GPC3: variants seen among roughly 807,000 people sequenced by gnomAD.
The protein encoded by GPC3 is glypican 3.
A neutral mutation model predicts 34.4 loss-of-function variants in GPC3; 3 were observed. That is an observed-to-expected ratio of 0.09 (90% CI 0.04 to 0.23). The LOEUF (loss-of-function observed/expected upper bound fraction) is 0.23. GPC3 is among the 10% of genes least tolerant of loss of function. GPC3 has a pLI of 1.00. For missense variants in GPC3, 351 were observed against 445.6 expected, an observed-to-expected ratio of 0.79 and a Z score of 1.91; for synonymous variants, 177 against 174.0, an observed-to-expected ratio of 1.02 and a Z score of -0.13.
intron 1 of GPC3, among the ~76,000 whole-genome samples, chrX:133,965,639 T>C (rs2076460122): frequency 8.9e-6 from 1 of 111,966 alleles, no homozygotes; most frequent in East Asian, 2.8e-4. Flanking sequence ...TAAATTTCAG[T>C]TGTTTTAAGC....
At chrX:133,648,499 C>G (rs948066884) in intron 6 of GPC3, among the ~76,000 whole-genome samples, 1 of 111,598 alleles carries the variant, frequency 9.0e-6, no homozygotes, top group Non-Finnish European at 1.9e-5. Context: ...CTCCTTGCCT[C>G]CAATTTCTGA....
intron 2 of GPC3, among the ~76,000 whole-genome samples, chrX:133,927,588 C>T (rs769052734): frequency 9.1e-6 from 1 of 109,472 alleles, no homozygotes; most frequent in Non-Finnish European, 1.9e-5. Flanking sequence ...GGTAATCCTC[C>T]TGCTTCAGCC....
At chrX:133,769,391 T>C (rs914994896) in intron 2 of GPC3, among the ~76,000 whole-genome samples, 8 of 112,240 alleles carry the variant, frequency 7.1e-5, no homozygotes, top group Non-Finnish European at 1.3e-4. Flanking sequence ...CAAGTGTTCT[T>C]ATCACAAAGA....
intron 2 of GPC3, among the ~76,000 whole-genome samples, chrX:133,789,527 A>C (rs993541356): frequency 3.6e-5 from 4 of 111,467 alleles, no homozygotes; most frequent in Non-Finnish European, 7.5e-5. Context: ...GCTTAAGTTT[A>C]ATTGTCATGG....
At position 133,746,349 on chromosome X, in the gene GPC3, C is replaced by T. The variant is rs184742716; in HGVS notation, c.1032+7133G>A. Among the ~76,000 whole-genome samples the T allele has an allele frequency of 8.5e-3, 958 of 112,139 alleles. 14 individuals carry two copies. Among genetic ancestry groups the T allele is most frequent in the African/African-American group, 0.029 (910 of 30,877 alleles). ...AACATATAAGCAACTGGCGATTATG[C>T]CAAGGCAAGGGCAAGCAATTCTAGA... On this transcript the variant is annotated intron_variant, in intron 3 of 7. Transcript: ENST00000370818.
chrX:133,976,913 G>C lies in GPC3; in HGVS notation c.175+8362C>G, dbSNP rs1373287281. On this transcript the variant is annotated intron_variant, in intron 1 of 7. Transcript: ENST00000370818. ...AGCTCAGGCAACAGTGCAAGACTCT[G>C]TCTCAAAAAATGATAATAAATAAAT... 7.2e-5 allele frequency among the ~76,000 whole-genome samples: 7 copies of C among 97,668 alleles called. 1 individual carries two copies. In the Middle Eastern group the frequency reaches 0.015, roughly 211 times the overall value. 84.8% of individuals were successfully genotyped at this position (97,668 alleles called of 115,157 possible).
chrX:133,772,653 G>T (rs1312050613), intron 2 of GPC3, among the ~76,000 whole-genome samples: 1 of 112,094 alleles, frequency 8.9e-6, no homozygotes, highest in East Asian at 2.8e-4. Context: ...GATGTCAGAA[G>T]ACCAGTTTTA....
chrX:133,676,351 G>A (rs1017243158), intron 5 of GPC3, among the ~76,000 whole-genome samples: 8 of 112,478 alleles, frequency 7.1e-5, no homozygotes, highest in Non-Finnish European at 1.1e-4. Flanking sequence ...TGGTGGAAGT[G>A]CATGGCCATG....
intron 1 of GPC3, among the ~76,000 whole-genome samples, chrX:133,959,063 T>C (rs1053570202): frequency 9.0e-6 from 1 of 111,394 alleles, no homozygotes; most frequent in African/African-American, 3.3e-5. Context: ...TCTGGGGGAT[T>C]ACTCCACTCC....
At chrX:133,618,930 A>C (rs1414065635) in intron 6 of GPC3, among the ~76,000 whole-genome samples, 1 of 111,414 alleles carries the variant, frequency 9.0e-6, no homozygotes, top group Non-Finnish European at 1.9e-5. Context: ...AGTTTTTGCA[A>C]ACCATATATC....
intron 2 of GPC3, among the ~76,000 whole-genome samples, chrX:133,885,792 A>G (rs1269760410): frequency 8.9e-6 from 1 of 111,955 alleles, no homozygotes. Context: ...GTATTTGTGC[A>G]TTTTGTTTTG....
At chrX:133,635,941 C>T (rs1165126146) in intron 6 of GPC3, among the ~76,000 whole-genome samples, 1 of 111,220 alleles carries the variant, frequency 9.0e-6, no homozygotes, top group East Asian at 2.8e-4. Context: ...TATAAGCCCA[C>T]TCACTTAAAT....
In GPC3 at chrX:133,692,344, A is replaced by G. The variant is rs750772704; in HGVS notation, c.1292+25T>C. ...TGACAATTATTCCTCAAATATTGCT[A>G]TATGTAACTTTCAAAAAAGATCACC... On this transcript the variant is annotated intron_variant, in intron 5 of 7. Transcript: ENST00000370818. 1.1e-5 allele frequency: 13 copies of G among 1,198,319 alleles called. No individual in the cohort carries two copies. The South Asian group carries it at 2.3e-4, about 21-fold the overall frequency.
chrX:133,827,456 A>G, intron 2 of GPC3, among the ~76,000 whole-genome samples: 1 of 111,935 alleles, frequency 8.9e-6, no homozygotes. Context: ...CAACAACAGC[A>G]TAAAGGAGAG....
intron 1 of GPC3, among the ~76,000 whole-genome samples, chrX:133,983,257 T>C (rs1000072912): frequency 3.6e-5 from 4 of 112,676 alleles, no homozygotes; most frequent in Non-Finnish European, 7.5e-5. Flanking sequence ...TGGGTTTATA[T>C]GATGAAAACC....
At chrX:133,544,277 T>G (rs1389625553) in intron 7 of GPC3, among the ~76,000 whole-genome samples, 2 of 111,384 alleles carry the variant, frequency 1.8e-5, no homozygotes, top group Non-Finnish European at 3.8e-5. Context: ...GCAACTTGGG[T>G]CACCTGGGCT....
At chrX:133,546,036 A>T (rs1387706586) in intron 7 of GPC3, among the ~76,000 whole-genome samples, 1 of 112,166 alleles carries the variant, frequency 8.9e-6, no homozygotes, top group Non-Finnish European at 1.9e-5. Context: ...GTTGACAAAC[A>T]CTGATAGGAC....
At chrX:133,776,548 C>G in intron 2 of GPC3, among the ~76,000 whole-genome samples, 1 of 112,086 alleles carries the variant, frequency 8.9e-6, no homozygotes, top group Non-Finnish European at 1.9e-5. Context: ...CCACTGATGC[C>G]AAGATCCTTC....
intron 2 of GPC3, among the ~76,000 whole-genome samples, chrX:133,850,194 G>GTTTTTTTTTT (rs749809263): frequency 1.9e-4 from 13 of 68,002 alleles, no homozygotes; most frequent in East Asian, 4.9e-4. Context: ...TTTGGGTTTT[G>GTTTTTTTTTT]TTTTTTTTTT....
Sources: gnomAD v4.1 joint callset for allele counts (sites outside exome capture counted in the v4.1 genomes callset) on GRCh38, gnomAD v4.1.1 for gene constraint, MANE v1.5 for transcripts, NCBI Gene and HGNC (gene_info 2026-07-23, HGNC 2026-07-21) for gene names.